Variants in PDCD2 observed in about 807,000 individuals in gnomAD.
The protein encoded by PDCD2 is uS5 assembly chaperone PDCD2.
A neutral mutation model predicts 38.1 loss-of-function variants in PDCD2; 38 were observed. The ratio of observed to expected loss-of-function variants is 1.00; its 90% CI spans 0.77 to 1.31. The LOEUF (loss-of-function observed/expected upper bound fraction) is 1.31. Ranked by LOEUF, PDCD2 falls within the 50% of genes most tolerant of loss-of-function variation. PDCD2 has a pLI of 0.00. For synonymous variants in PDCD2, 205 were observed against 168.9 expected (o/e 1.21, Z -1.66); for missense variants, 473 against 435.7 (o/e 1.09, Z -0.76).
In PDCD2 at chr6:170,584,556, A is replaced by G; in HGVS notation, c.26T>C (p.Val9Ala). ...CGCCGACTCGGCGAAGCCCAGCTCC[A>G]CAGGCCTGGCCCCGGCGGCAGCCAT... Reference protein sequence around the residue: MAAAGARPVELGFAESAPA... With the variant: MAAAGARPAELGFAESAPA... The change falls in exon 1 of 6, where the codon GTG becomes GCG. Residue 9 changes from valine to alanine, a missense_variant. Transcript: ENST00000541970. 1.5e-6 allele frequency: 2 copies of G among 1,341,266 alleles called. No homozygotes were observed. The highest frequency in any genetic ancestry group is 1.9e-5 in the South Asian group (1 of 52,346). The allele number at this position is 1,341,266 out of a possible 1,614,324, so 83.1% of individuals were successfully genotyped here. A position where few individuals can be genotyped will look rare whatever the true frequency, so the allele number is the denominator to read the frequency against.
chr6:170,583,152 AG>A lies in PDCD2; in HGVS notation c.562del (p.Leu188PhefsTer8). ...LDHIIPDHNF[L>X]FPEFEIVIET... ...TATTACAATTTCAAATTCTGGAAAA[AG>A]GAAGTTGTGGTCTGGAATTATATGG... On this transcript the variant is annotated frameshift_variant, in exon 3 of 6. Transcript: ENST00000541970. LOFTEE classifies it high-confidence loss of function. 6.2e-7 allele frequency: 1 copy of A among 1,612,472 alleles called. No individual in the cohort carries two copies. Among genetic ancestry groups the A allele is most frequent in the Non-Finnish European group, 8.5e-7 (1 of 1,179,146 alleles).
Position 170,578,836 on chromosome 6 carries a change from G to C in PDCD2, c.876+21C>G, listed in dbSNP as rs763531285. 2.2e-6 allele frequency: 3 copies of C among 1,360,040 alleles called. No individual in the cohort carries two copies. The East Asian group carries it at 6.9e-5, about 31-fold the overall frequency. The allele number at this position is 1,360,040 out of a possible 1,614,324, so 84.2% of individuals were successfully genotyped here. Reference sequence around the variant, plus strand: ...CAATCATGGTGATTACACACTAAATGGTCCTTATTTAAGGTCATACCTGGA... The same window carrying C: ...CAATCATGGTGATTACACACTAAATCGTCCTTATTTAAGGTCATACCTGGA... On this transcript the variant is annotated intron_variant, in intron 5 of 5. Transcript: ENST00000541970.
At chr6:170,579,183 G>C in intron 4 of PDCD2, 1 of 518,704 alleles carries the variant, frequency 1.9e-6, no homozygotes, top group South Asian at 3.0e-5. Flanking sequence ...ATCTGACTCA[G>C]AGGGCATCAA....
At position 170,583,537 on chromosome 6, in the gene PDCD2, C is replaced by G. The variant is rs780538358; in HGVS notation, c.494G>C (p.Arg165Thr). The G allele has an allele frequency of 6.2e-7, 1 of 1,613,336 alleles. No individual in the cohort carries two copies. Among genetic ancestry groups the G allele is most frequent in the South Asian group, 1.1e-5 (1 of 91,040 alleles). ...CSKEHQTLDW[R>T]LGHKQACAQP... ...TGCACAAGCCTGCTTATGTCCCAAT[C>G]TCCAGTCTAGGGTCTGATGCTCCTT... The change falls in exon 2 of 6, where the codon AGA becomes ACA. Residue 165 changes from arginine (R) to threonine (T), a missense_variant. Transcript: ENST00000541970.
chr6:170,583,564 C>T lies in PDCD2; in HGVS notation c.467G>A (p.Ser156Asn). The T allele has an allele frequency of 6.2e-7, 1 of 1,613,804 alleles. No individual in the cohort carries two copies. Among genetic ancestry groups the T allele is most frequent in the East Asian group, 2.2e-5 (1 of 44,868 alleles). The change falls in exon 2 of 6, where the codon AGC becomes AAC. Residue 156 changes from serine to asparagine, a missense_variant. Coordinates refer to ENST00000541970, the MANE Select transcript of PDCD2 (RefSeq NM_002598.4). ...CCAGTCTAGGGTCTGATGCTCCTTG[C>T]TGCAGTAATATGCTTTGTGGCATCT... ...CSRCHKAYYCSKEHQTLDWRL... is the reference protein window; with the variant it reads ...CSRCHKAYYCNKEHQTLDWRL...
At chr6:170,578,241 C>G (rs1444889985) in intron 5 of PDCD2, among the ~76,000 whole-genome samples, 2 of 152,126 alleles carry the variant, frequency 1.3e-5, no homozygotes, top group African/African-American at 2.4e-5. Flanking sequence ...GCACTAAGAA[C>G]CAAGCAGAGT....
In PDCD2 at chr6:170,584,357, GA is replaced by G; in HGVS notation, c.224del (p.Phe75SerfsTer67). 1 of 1,496,960 alleles carries G rather than the reference GA, an allele frequency of 6.7e-7. No individual in the cohort carries two copies. The highest frequency in any genetic ancestry group is 2.2e-5 in the Admixed American group (1 of 45,452). The allele number at this position is 1,496,960 out of a possible 1,614,324, so 92.7% of individuals were successfully genotyped here. On this transcript the variant is annotated frameshift_variant, in exon 1 of 6. Coordinates refer to ENST00000541970, the MANE Select transcript of PDCD2 (RefSeq NM_002598.4). LOFTEE classifies it high-confidence loss of function. ...YAPLPGRPDA[F>X]HRCIFLFCCR... Reference sequence around the variant, plus strand: ...AGCAGAAGAGGAAGATGCAGCGGTGGAAGGCGTCCGGGCGGCCAGGCAGCGG... The same window carrying G: ...AGCAGAAGAGGAAGATGCAGCGGTGGAGGCGTCCGGGCGGCCAGGCAGCGG...
intron 5 of PDCD2, among the ~76,000 whole-genome samples, chr6:170,578,240 A>C (rs912388726): frequency 2.4e-4 from 36 of 152,160 alleles, no homozygotes; most frequent in Non-Finnish European, 4.4e-4. Context: ...GGCACTAAGA[A>C]CCAAGCAGAG....
At chr6:170,584,251 G>A (rs764109837) in intron 1 of PDCD2, 48 bp downstream of exon 1, 4 of 1,348,144 alleles carry the variant, frequency 3.0e-6, no homozygotes, top group African/African-American at 3.0e-5. Flanking sequence ...TTAACGCCGC[G>A]CACGCGTCGG....
At chr6:170,580,394 T>G (rs775271624) in intron 3 of PDCD2, among the ~76,000 whole-genome samples, 2 of 152,180 alleles carry the variant, frequency 1.3e-5, no homozygotes, top group African/African-American at 2.4e-5. Flanking sequence ...TATCCTCAGC[T>G]GGTAGGCTCA....
Position 170,584,454 on chromosome 6 carries a change from A to AGCCCGGCCGC in PDCD2, c.118_127dup (p.Leu43ArgfsTer58), listed in dbSNP as rs1427899601. 9 of 1,310,922 alleles carry AGCCCGGCCGC rather than the reference A, an allele frequency of 6.9e-6. No homozygotes were observed. The highest frequency in any genetic ancestry group is 7.7e-6 in the Non-Finnish European group (8 of 1,037,234). 81.2% of individuals were successfully genotyped at this position (1,310,922 alleles called of 1,614,324 possible). ...GCAGGCCAGGGCCTGGGGCCCCGGC[A>AGCCCGGCCGC]GCCCGGCCGCGCCCAGCCATGCCGG... On this transcript the variant is annotated frameshift_variant, in exon 1 of 6. Coordinates refer to ENST00000541970, the MANE Select transcript of PDCD2 (RefSeq NM_002598.4). LOFTEE classifies it high-confidence loss of function.
chr6:170,581,980 C>G, intron 3 of PDCD2: 1 of 736,412 alleles, frequency 1.4e-6, no homozygotes, highest in Non-Finnish European at 2.0e-6. Context: ...CACATTTACA[C>G]TAACAAGGCA....
In PDCD2 at chr6:170,583,486, TAAAA is replaced by T. The variant is rs754847690; in HGVS notation, c.526+15_526+18del. The T allele has an allele frequency of 2.3e-4, 374 of 1,593,090 alleles. No individual in the cohort carries two copies. Among genetic ancestry groups the T allele is most frequent in the African/African-American group, 1.0e-3 (75 of 74,318 alleles). ...AAGGCGATGAAACTGAACTGAGACT[TAAAA>T]AAAAGATTACCCACCTGGTTGTGCA... On this transcript the variant is annotated intron_variant, in intron 2 of 5. Transcript: ENST00000541970.
chr6:170,577,576 C>T lies in PDCD2; in HGVS notation c.1018G>A (p.Val340Ile), dbSNP rs1255357725. 4.3e-6 allele frequency: 7 copies of T among 1,614,010 alleles called. No individual in the cohort carries two copies. Among genetic ancestry groups the T allele is most frequent in the Non-Finnish European group, 5.9e-6 (7 of 1,179,938 alleles). ...AGATGCCTTTACGGTGTATCTGTTA[C>T]ATCCTGCTTCCACACAAATTCTTCT... ...YTEEFVWKQDVTDTP is the reference protein window; with the variant it reads ...YTEEFVWKQDITDTP The change falls in exon 6 of 6, where the codon GTA becomes ATA. Residue 340 changes from valine to isoleucine, a missense_variant. Transcript: ENST00000541970.
chr6:170,584,259 C>T (rs112325158), intron 1 of PDCD2, 40 bp downstream of exon 1: 23 of 1,364,738 alleles, frequency 1.7e-5, no homozygotes, highest in African/African-American at 1.7e-4. Context: ...GCGCACGCGT[C>T]GGAGGCATGG....
intron 3 of PDCD2, chr6:170,580,977 A>G (rs1343635263): frequency 6.6e-6 from 1 of 152,236 alleles, no homozygotes; most frequent in African/African-American, 2.4e-5. Flanking sequence ...TGTTCCATCA[A>G]GTATACGTGG....
At position 170,584,352 on chromosome 6, in the gene PDCD2, C is replaced by T; in HGVS notation, c.230G>A (p.Arg77His). Residue 77 changes from arginine (R) to histidine (H), a missense_variant, in exon 1 of 6, where the codon CGC (arginine) becomes CAC (histidine). Arg to His is a conservative substitution (Grantham distance 29, BLOSUM62 0). Transcript: ENST00000541970. ...GCGGCAGCAGAAGAGGAAGATGCAGCGGTGGAAGGCGTCCGGGCGGCCAGG... is the reference window on the plus strand; with the variant it reads ...GCGGCAGCAGAAGAGGAAGATGCAGTGGTGGAAGGCGTCCGGGCGGCCAGG... ...PLPGRPDAFH[R>H]CIFLFCCREQ... 2 of 1,495,630 alleles carry T rather than the reference C, an allele frequency of 1.3e-6. No homozygotes were observed. The allele number at this position is 1,495,630 out of a possible 1,614,324, so 92.6% of individuals were successfully genotyped here.
rs950901000 is a variant in PDCD2, at chr6:170,578,764, G to A, written c.876+93C>T. Reference sequence around the variant, plus strand: ...GGGTACCCTTCCATACTGCCATGTTGACCCATGTGCACAAATTACCTTGGT... The same window carrying A: ...GGGTACCCTTCCATACTGCCATGTTAACCCATGTGCACAAATTACCTTGGT... On this transcript the variant is annotated intron_variant, in intron 5 of 5. Coordinates refer to ENST00000541970, the MANE Select transcript of PDCD2 (RefSeq NM_002598.4). 8.5e-6 allele frequency: 7 copies of A among 819,310 alleles called. No homozygotes were observed. In the African/African-American group the frequency reaches 1.2e-4, roughly 14 times the overall value. 50.8% of individuals were successfully genotyped at this position (819,310 alleles called of 1,614,324 possible).
At chr6:170,582,355 A>T in intron 3 of PDCD2, 1 of 1,532,080 alleles carries the variant, frequency 6.5e-7, no homozygotes, top group African/African-American at 1.4e-5. Flanking sequence ...CAGTAAGCTG[A>T]TGTTTTCATT....
Sources: allele counts gnomAD v4.1 joint callset (sites outside exome capture counted in the v4.1 genomes callset), GRCh38; gene constraint gnomAD v4.1.1; transcripts MANE v1.5; gene names NCBI Gene and HGNC (gene_info 2026-07-23, HGNC 2026-07-21).